The following CDK5RAP2 variants were observed in gnomAD, a reference collection of about 807,000 sequenced individuals.
CDK5RAP2 encodes the protein CDK5 regulatory subunit-associated protein 2.
Under a neutral mutation model 232.9 loss-of-function variants are expected in CDK5RAP2, and 147 were observed. That is an observed-to-expected ratio of 0.63 (90% CI 0.55 to 0.72). CDK5RAP2 has a LOEUF of 0.72. CDK5RAP2 is among the 30% of genes least tolerant of loss of function. The pLI, the probability that CDK5RAP2 is intolerant of heterozygous loss-of-function variation, is 0.00. For missense variants in CDK5RAP2, 2,195 were observed against 2,231.5 expected, an observed-to-expected ratio of 0.98 and a Z score of 0.33; for synonymous variants, 833 against 833.7, an observed-to-expected ratio of 1.00 and a Z score of 0.01.
chr9:120,458,055 G>A (rs1047230129), intron 20 of CDK5RAP2, among the ~76,000 whole-genome samples: 2 of 152,170 alleles, frequency 1.3e-5, no homozygotes, highest in African/African-American at 4.8e-5. Flanking sequence ...ATAATGAGAA[G>A]AGAACTTTAA....
rs1446637247 is a variant in CDK5RAP2, at chr9:120,440,095, C to T, written c.3149-123G>A. 4 of 808,602 alleles carry T rather than the reference C, an allele frequency of 4.9e-6. No homozygotes were observed. In the East Asian group the frequency reaches 1.1e-4, roughly 21 times the overall value. The allele number at this position is 808,602 out of a possible 1,614,324, so 50.1% of individuals were successfully genotyped here. A position where few individuals can be genotyped will look rare whatever the true frequency, so the allele number is the denominator to read the frequency against. ...ACCTAACAAGCCTCCCTCAAAAAGGCCCTAGTATTTCCTAACACACTTCCC... is the reference window on the plus strand; with the variant it reads ...ACCTAACAAGCCTCCCTCAAAAAGGTCCTAGTATTTCCTAACACACTTCCC... On this transcript the variant is annotated intron_variant, in intron 23 of 37. Transcript: ENST00000349780.
chr9:120,481,808 G>A (rs371635984), intron 14 of CDK5RAP2, among the ~76,000 whole-genome samples: 21 of 152,044 alleles, frequency 1.4e-4, no homozygotes, highest in African/African-American at 4.3e-4. Context: ...CCACCGTGCC[G>A]GGCCTGTATG....
rs772689721 is a variant in CDK5RAP2 at position 120,437,277 on chromosome 9, G to A, written c.3955+18C>T. On this transcript the variant is annotated intron_variant, in intron 25 of 37. Coordinates refer to ENST00000349780, the MANE Select transcript of CDK5RAP2 (RefSeq NM_018249.6). Reference sequence around the variant, plus strand: ...CAATTACTGATGTCTTAAGACTCGCGTACCTCACCCTACCTACCGTTGAGA... The same window carrying A: ...CAATTACTGATGTCTTAAGACTCGCATACCTCACCCTACCTACCGTTGAGA... The A allele has an allele frequency of 2.2e-5, 35 of 1,567,174 alleles. No individual in the cohort carries two copies. The highest frequency in any genetic ancestry group is 1.8e-4 in the East Asian group (8 of 44,040).
chr9:120,565,670 C>T (rs1199601308), intron 3 of CDK5RAP2, among the ~76,000 whole-genome samples: 1 of 152,176 alleles, frequency 6.6e-6, no homozygotes, highest in Non-Finnish European at 1.5e-5. Flanking sequence ...TACATTTGCA[C>T]ATGTGAGTCC....
chr9:120,440,066 AGTG>A lies in CDK5RAP2; in HGVS notation c.3149-97_3149-95del. On this transcript the variant is annotated intron_variant, in intron 23 of 37. Transcript: ENST00000349780. ...GCCCTAGCCAAGCCAAGACCACTGCAGTGACCTAACAAGCCTCCCTCAAAAAGG... is the reference window on the plus strand; with the variant it reads ...GCCCTAGCCAAGCCAAGACCACTGCAACCTAACAAGCCTCCCTCAAAAAGG... The A allele has an allele frequency of 5.5e-6, 6 of 1,087,432 alleles. 1 individual carries two copies. In the South Asian group the frequency reaches 7.8e-5, roughly 14 times the overall value. The allele number at this position is 1,087,432 out of a possible 1,614,324, so 67.4% of individuals were successfully genotyped here.
At chr9:120,537,181 T>C (rs2041430059) in intron 6 of CDK5RAP2, among the ~76,000 whole-genome samples, 1 of 152,164 alleles carries the variant, frequency 6.6e-6, no homozygotes, top group African/African-American at 2.4e-5. Context: ...TCAAACAGAA[T>C]TGGGTTCAAA....
At chr9:120,498,511 G>A (rs547935023) in intron 12 of CDK5RAP2, among the ~76,000 whole-genome samples, 22 of 152,278 alleles carry the variant, frequency 1.4e-4, no homozygotes, top group African/African-American at 2.2e-4. Flanking sequence ...TCCTGAACCC[G>A]AAAAGGGTCA....
At chr9:120,491,123 G>C (rs887897312) in intron 13 of CDK5RAP2, among the ~76,000 whole-genome samples, 184 bp downstream of exon 13, 4 of 152,136 alleles carry the variant, frequency 2.6e-5, no homozygotes, top group Non-Finnish European at 5.9e-5. Flanking sequence ...TCCCTTCTCT[G>C]AGTTTCTGTT....
chr9:120,422,314 CA>C (rs2034612761), intron 26 of CDK5RAP2, among the ~76,000 whole-genome samples: 1 of 152,050 alleles, frequency 6.6e-6, no homozygotes, highest in Non-Finnish European at 1.5e-5. Context: ...TGGGGTACAT[CA>C]GGGGAAGGGA....
rs149463541 is a variant in CDK5RAP2, at chr9:120,447,914, G to A, written c.3006C>T (p.Pro1002=). ...AEAVMEGRPT[P]DKTLLNAQPP... ...GCTTACCATTCAGCAACGTTTTGTC[G>A]GGCGTTGGCCTCCCCTCCATCACTG... The change falls in exon 22 of 38, where the codon CCC becomes CCT. Residue 1002 remains proline, a synonymous_variant. Transcript: ENST00000349780. 5.8e-5 allele frequency: 93 copies of A among 1,613,954 alleles called. No individual in the cohort carries two copies. In the South Asian group the frequency reaches 6.3e-4, roughly 11 times the overall value.
At chr9:120,457,159 G>C (rs944584014) in intron 20 of CDK5RAP2, among the ~76,000 whole-genome samples, 4 of 152,148 alleles carry the variant, frequency 2.6e-5, no homozygotes, top group African/African-American at 9.7e-5. Context: ...ATGAAGAAAT[G>C]GGCTCATAAA....
chr9:120,410,329 C>T (rs1220818789), intron 29 of CDK5RAP2, among the ~76,000 whole-genome samples: 1 of 152,162 alleles, frequency 6.6e-6, no homozygotes, highest in Non-Finnish European at 1.5e-5. Context: ...CATTGCTAAC[C>T]CCTGGGACTT....
At chr9:120,473,838 T>C in intron 15 of CDK5RAP2, among the ~76,000 whole-genome samples, 1 of 152,238 alleles carries the variant, frequency 6.6e-6, no homozygotes, top group East Asian at 1.9e-4. Flanking sequence ...CTTCACTCCC[T>C]CTTCCATTTT....
At position 120,494,963 on chromosome 9, in the gene CDK5RAP2, G is replaced by C. The variant is rs1473567511; in HGVS notation, c.1312-3486C>G. On this transcript the variant is annotated intron_variant, in intron 12 of 37. Transcript: ENST00000349780. ...AGCGGAGCCGCTGCCGCGACCGACC[G>C]CAGCCGCCGCCGCCCGACCGCCGGG... Among the ~76,000 whole-genome samples, 3 of 134,708 alleles carry C rather than the reference G, an allele frequency of 2.2e-5. No homozygotes were observed. The South Asian group carries it at 6.8e-4, about 30-fold the overall frequency. The allele number at this position is 134,708 out of a possible 152,430, so 88.4% of individuals were successfully genotyped here.
intron 15 of CDK5RAP2, among the ~76,000 whole-genome samples, chr9:120,476,764 A>T (rs2038039686): frequency 6.6e-6 from 1 of 152,088 alleles, no homozygotes; most frequent in Non-Finnish European, 1.5e-5. Context: ...AGAGGCCCAG[A>T]GCAGCACTTG....
At chr9:120,447,477 C>A (rs527909540) in intron 22 of CDK5RAP2, among the ~76,000 whole-genome samples, 3 of 152,290 alleles carry the variant, frequency 2.0e-5, no homozygotes, top group African/African-American at 7.2e-5. Context: ...GAGGAAGACG[C>A]AAGGTTAGTA....
At chr9:120,480,475 TATTC>T (rs751418500) in intron 14 of CDK5RAP2, among the ~76,000 whole-genome samples, 1 of 152,242 alleles carries the variant, frequency 6.6e-6, no homozygotes, top group African/African-American at 2.4e-5. Context: ...TATCTCAAAA[TATTC>T]ATTCTTATCA....
At chr9:120,471,689 T>G in intron 16 of CDK5RAP2, 59 bp downstream of exon 16, 4 of 1,611,792 alleles carry the variant, frequency 2.5e-6, no homozygotes, top group Non-Finnish European at 3.4e-6. Context: ...CTCCTGAAGT[T>G]CAGTCCATGC....
At chr9:120,405,107 G>A (rs1198451236) in intron 32 of CDK5RAP2, among the ~76,000 whole-genome samples, 1 of 152,108 alleles carries the variant, frequency 6.6e-6, no homozygotes, top group Admixed American at 6.5e-5. Flanking sequence ...ATTTCCCAGG[G>A]GTGTGCTACA....
Sources: gnomAD v4.1 joint callset for allele counts (sites outside exome capture counted in the v4.1 genomes callset) on GRCh38, gnomAD v4.1.1 for gene constraint, MANE v1.5 for transcripts, NCBI Gene and HGNC (gene_info 2026-07-23, HGNC 2026-07-21) for gene names.